RORA: variants seen among roughly 807,000 people sequenced by gnomAD.
RORA encodes the protein nuclear receptor ROR-alpha.
A neutral mutation model predicts 69.5 loss-of-function variants in RORA; 7 were observed. The observed-to-expected ratio is 0.10, with a 90% CI of 0.06 to 0.19. RORA has a LOEUF of 0.19. Ranked by LOEUF, RORA falls within the 10% of genes least tolerant of loss-of-function variation. The pLI is 1.00. For missense variants in RORA, 457 were observed against 663.0 expected (o/e 0.69, Z 3.41); for synonymous variants, 261 against 240.8 (o/e 1.08, Z -0.78).
chr15:60,902,926 C>T (rs565476660), intron 1 of RORA, among the ~76,000 whole-genome samples: 6 of 152,178 alleles, frequency 3.9e-5, no homozygotes, highest in Non-Finnish European at 8.8e-5. Context: ...TAAATGCTCA[C>T]GTTTATTAGC....
chr15:60,758,810 G>C (rs2071839609), intron 1 of RORA, among the ~76,000 whole-genome samples: 1 of 152,146 alleles, frequency 6.6e-6, no homozygotes, highest in South Asian at 2.1e-4. Flanking sequence ...ACTCTATAAA[G>C]TTCCAGCTGA....
chr15:60,581,133 C>T (rs1405199331), intron 2 of RORA, among the ~76,000 whole-genome samples: 7 of 152,218 alleles, frequency 4.6e-5, no homozygotes, highest in Admixed American at 3.9e-4. Flanking sequence ...TCTGAAAACA[C>T]TCGATCCATC....
chr15:60,664,635 G>T (rs2070355099), intron 2 of RORA, among the ~76,000 whole-genome samples: 1 of 152,156 alleles, frequency 6.6e-6, no homozygotes, highest in South Asian at 2.1e-4. Context: ...TACGTTACAG[G>T]CAAGGGACAT....
intron 2 of RORA, among the ~76,000 whole-genome samples, chr15:60,624,924 C>T (rs1162336662): frequency 6.6e-6 from 1 of 152,048 alleles, no homozygotes; most frequent in African/African-American, 2.4e-5. Context: ...GAAAAATTAA[C>T]CAAGAAATGG....
intron 1 of RORA, among the ~76,000 whole-genome samples, chr15:61,089,882 G>A (rs536618574): frequency 6.6e-6 from 1 of 152,258 alleles, no homozygotes; most frequent in African/African-American, 2.4e-5. Flanking sequence ...AAGATGGAGG[G>A]TAGAACATTC....
chr15:60,951,251 G>T (rs1893084059), intron 1 of RORA, among the ~76,000 whole-genome samples: 1 of 148,160 alleles, frequency 6.7e-6, no homozygotes, highest in South Asian at 2.3e-4. Context: ...CGAGAACAAA[G>T]ACACAACATA....
chr15:60,591,403 C>A (rs1409272396), intron 2 of RORA, among the ~76,000 whole-genome samples: 1 of 152,196 alleles, frequency 6.6e-6, no homozygotes, highest in Admixed American at 6.5e-5. Flanking sequence ...ACTTCCTGAA[C>A]ACCTCCAAAC....
intron 2 of RORA, among the ~76,000 whole-genome samples, chr15:60,590,853 A>C (rs2068482179): frequency 6.6e-6 from 1 of 152,176 alleles, no homozygotes. Context: ...AAATGATTAA[A>C]TCCCATTCCC....
At chr15:61,043,118 C>T (rs143785497) in intron 1 of RORA, among the ~76,000 whole-genome samples, 2 of 152,334 alleles carry the variant, frequency 1.3e-5, no homozygotes, top group African/African-American at 4.8e-5. Context: ...TCATCTAATG[C>T]TATCTCAGCC....
intron 1 of RORA, among the ~76,000 whole-genome samples, chr15:61,030,516 A>G (rs1177227899): frequency 6.6e-6 from 1 of 152,204 alleles, no homozygotes; most frequent in East Asian, 1.9e-4. Context: ...GTTTTAGAAG[A>G]GAAGGAATAA....
At chr15:61,091,203 C>T (rs1299233847) in intron 1 of RORA, among the ~76,000 whole-genome samples, 13 of 152,116 alleles carry the variant, frequency 8.5e-5, no homozygotes, top group East Asian at 1.9e-4. Flanking sequence ...CGTTGAATTA[C>T]GCTGCTGAAT....
intron 1 of RORA, among the ~76,000 whole-genome samples, chr15:60,826,096 G>C (rs1296695822): frequency 3.3e-5 from 5 of 152,212 alleles, no homozygotes; most frequent in Non-Finnish European, 1.5e-5. Context: ...GGAAGCCACA[G>C]GCCCTATGGG....
intron 1 of RORA, among the ~76,000 whole-genome samples, chr15:61,162,328 T>C (rs1371073401): frequency 6.6e-6 from 1 of 152,204 alleles, no homozygotes; most frequent in Non-Finnish European, 1.5e-5. Flanking sequence ...ACAGTGGTCA[T>C]GGTTTCAAAT....
At chr15:61,008,648 T>G (rs2140390910) in intron 1 of RORA, among the ~76,000 whole-genome samples, 1 of 152,182 alleles carries the variant, frequency 6.6e-6, no homozygotes, top group East Asian at 1.9e-4. Context: ...TGGAAAAAAA[T>G]GCGCATGTAG....
intron 1 of RORA, among the ~76,000 whole-genome samples, chr15:60,967,707 A>T (rs191101699): frequency 6.6e-6 from 1 of 152,336 alleles, no homozygotes; most frequent in African/African-American, 2.4e-5. Flanking sequence ...CCTGAATGAG[A>T]TGACTTCTGG....
intron 1 of RORA, among the ~76,000 whole-genome samples, chr15:60,774,598 T>C (rs568012308): frequency 5.9e-5 from 9 of 152,234 alleles, no homozygotes; most frequent in Non-Finnish European, 1.0e-4. Flanking sequence ...GTCTTAGTGG[T>C]ATTTGGGAGT....
At chr15:61,218,023 A>G (rs1208752097) in intron 1 of RORA, among the ~76,000 whole-genome samples, 1 of 152,076 alleles carries the variant, frequency 6.6e-6, no homozygotes, top group African/African-American at 2.4e-5. Flanking sequence ...GGCTGCTTCT[A>G]CTTCATGCCC....
chr15:61,118,582 G>A (rs1418758145), intron 1 of RORA, among the ~76,000 whole-genome samples: 1 of 152,120 alleles, frequency 6.6e-6, no homozygotes, highest in African/African-American at 2.4e-5. Flanking sequence ...TAGGCACGGG[G>A]CCCCGAGAGT....
intron 1 of RORA, among the ~76,000 whole-genome samples, chr15:61,121,557 C>A (rs1843706618): frequency 6.6e-6 from 1 of 152,108 alleles, no homozygotes; most frequent in South Asian, 2.1e-4. Context: ...CTCATCTCAG[C>A]AATTCGTTTC....
Sources: gnomAD v4.1 joint callset for allele counts (sites outside exome capture counted in the v4.1 genomes callset) on GRCh38, gnomAD v4.1.1 for gene constraint, MANE v1.5 for transcripts, NCBI Gene and HGNC (gene_info 2026-07-23, HGNC 2026-07-21) for gene names.